The following CLYBL variants were observed in gnomAD, a reference collection of about 807,000 sequenced individuals.
The protein encoded by CLYBL is citramalyl-CoA lyase, mitochondrial.
In CLYBL, 31 loss-of-function variants were observed where a neutral mutation model predicts 38.9. That is an observed-to-expected ratio of 0.80 (90% CI 0.60 to 1.08). The LOEUF (loss-of-function observed/expected upper bound fraction) is 1.08, where lower values mean the gene tolerates loss of function less well. Among genes scored for constraint, CLYBL ranks in the 50% least tolerant of loss-of-function variants. CLYBL has a pLI of 0.00. For synonymous variants in CLYBL, 171 were observed against 158.6 expected (o/e 1.08, Z -0.59); for missense variants, 434 against 411.6 (o/e 1.05, Z -0.47).
chr13:99,854,264 G>T (rs191948495), intron 2 of CLYBL, among the ~76,000 whole-genome samples: 2 of 152,136 alleles, frequency 1.3e-5, no homozygotes, highest in East Asian at 3.9e-4. Flanking sequence ...GCTGGGAGGC[G>T]AAGGGAAAGG....
At chr13:99,736,046 T>C (rs1184003750) in intron 1 of CLYBL, among the ~76,000 whole-genome samples, 4 of 137,924 alleles carry the variant, frequency 2.9e-5, no homozygotes, top group African/African-American at 8.1e-5. Context: ...TTCTTTTTTT[T>C]TTTTTTTTTT....
chr13:99,892,176 T>C (rs1253550871), intron 8 of CLYBL: 1 of 152,212 alleles, frequency 6.6e-6, no homozygotes, highest in Non-Finnish European at 1.5e-5. Context: ...CCATTGAGGC[T>C]ATTTCCCCCT....
intron 1 of CLYBL, among the ~76,000 whole-genome samples, chr13:99,652,272 G>T (rs2047266176): frequency 2.0e-5 from 3 of 152,182 alleles, no homozygotes; most frequent in Non-Finnish European, 4.4e-5. Context: ...TTCCTCAGGG[G>T]GTGAAGTGTG....
intron 1 of CLYBL, among the ~76,000 whole-genome samples, chr13:99,706,343 C>T (rs1211042561): frequency 6.6e-6 from 1 of 152,216 alleles, no homozygotes; most frequent in Non-Finnish European, 1.5e-5. Flanking sequence ...ACAAAAACTG[C>T]ACCAAGCTTC....
chr13:99,769,172 C>T (rs867951565), intron 1 of CLYBL, among the ~76,000 whole-genome samples: 3 of 152,106 alleles, frequency 2.0e-5, no homozygotes, highest in African/African-American at 4.8e-5. Flanking sequence ...GCAGGTTGCT[C>T]CAGGAACATG....
At chr13:99,870,816 G>T in intron 6 of CLYBL, 122 bp from the exon 7 acceptor site, 1 of 986,650 alleles carries the variant, frequency 1.0e-6, no homozygotes, top group Non-Finnish European at 1.5e-6. Context: ...TCAATAAAAA[G>T]TTTTAAATTA....
intron 2 of CLYBL, among the ~76,000 whole-genome samples, chr13:99,841,812 CTTT>C (rs67827288): frequency 8.6e-4 from 91 of 105,372 alleles, no homozygotes; most frequent in East Asian, 6.9e-3. Context: ...TTTTCTTTTC[CTTT>C]TTTTTTTTTT....
intron 7 of CLYBL, among the ~76,000 whole-genome samples, chr13:99,876,539 T>G (rs558063666): frequency 6.6e-6 from 1 of 152,306 alleles, no homozygotes; most frequent in East Asian, 1.9e-4. Flanking sequence ...ATCAAAATAT[T>G]CTTTATCCAG....
intron 1 of CLYBL, among the ~76,000 whole-genome samples, chr13:99,763,309 A>C (rs2049199716): frequency 6.6e-6 from 1 of 152,126 alleles, no homozygotes; most frequent in East Asian, 1.9e-4. Flanking sequence ...TGGGTTTGTC[A>C]TATATGACCC....
intron 1 of CLYBL, among the ~76,000 whole-genome samples, chr13:99,688,134 C>T (rs2047844893): frequency 6.6e-6 from 1 of 152,000 alleles, no homozygotes; most frequent in Admixed American, 6.6e-5. Context: ...AAATTTTTCC[C>T]AGGAAAAATT....
chr13:99,835,608 C>T (rs1373924007), intron 2 of CLYBL, among the ~76,000 whole-genome samples: 1 of 152,250 alleles, frequency 6.6e-6, no homozygotes, highest in East Asian at 1.9e-4. Context: ...GAGCCATCAG[C>T]TGTCTCTGCC....
intron 1 of CLYBL, among the ~76,000 whole-genome samples, chr13:99,635,873 A>C (rs1471005602): frequency 6.7e-6 from 1 of 148,196 alleles, no homozygotes; most frequent in African/African-American, 2.7e-5. Context: ...CAGATGGACT[A>C]AAGATAATAT....
intron 2 of CLYBL, among the ~76,000 whole-genome samples, chr13:99,814,035 C>A (rs2050393599): frequency 6.6e-6 from 1 of 152,186 alleles, no homozygotes; most frequent in South Asian, 2.1e-4. Context: ...TCCTTTCCAG[C>A]CTTACTCTGA....
rs116209023 is a variant in CLYBL at position 99,614,496 on chromosome 13, A to T, written c.62+7739A>T. On this transcript the variant is annotated intron_variant, in intron 1 of 8. Transcript: ENST00000339105. ...CCCTGAGCAAAAACCAGTGGGCAGC[A>T]GCCAAACTGGTGAGCAAGAACTGGC... is the stretch of plus-strand genomic sequence containing the variant. Among the ~76,000 whole-genome samples the T allele has an allele frequency of 1.7e-3, 263 of 152,240 alleles. 1 individual carries two copies. Among genetic ancestry groups the T allele is most frequent in the African/African-American group, 6.1e-3 (254 of 41,548 alleles).
chr13:99,685,353 AAAATT>A (rs1447111360), intron 1 of CLYBL, among the ~76,000 whole-genome samples: 4 of 152,230 alleles, frequency 2.6e-5, no homozygotes, highest in African/African-American at 9.6e-5. Context: ...GAACTAATAA[AAAATT>A]AAAATAATTC....
intron 1 of CLYBL, among the ~76,000 whole-genome samples, chr13:99,632,586 A>G (rs1270225922): frequency 6.6e-6 from 1 of 152,120 alleles, no homozygotes; most frequent in Non-Finnish European, 1.5e-5. Context: ...TACTAAATAT[A>G]CAAAAAAAAT....
intron 2 of CLYBL, among the ~76,000 whole-genome samples, chr13:99,804,328 G>A (rs375269640): frequency 1.9e-4 from 29 of 152,320 alleles, no homozygotes; most frequent in South Asian, 8.3e-4. Flanking sequence ...TGTTGTTTGG[G>A]CTACAGCAGG....
chr13:99,871,374 A>AATATG (rs1356936698), intron 7 of CLYBL, among the ~76,000 whole-genome samples: 1 of 152,220 alleles, frequency 6.6e-6, no homozygotes, highest in African/African-American at 2.4e-5. Flanking sequence ...ATTCATATGA[A>AATATG]AATAATCCTA....
chr13:99,706,188 C>T (rs1246129652), intron 1 of CLYBL, among the ~76,000 whole-genome samples: 1 of 152,056 alleles, frequency 6.6e-6, no homozygotes, highest in Non-Finnish European at 1.5e-5. Flanking sequence ...CTTTGGCCTC[C>T]CAAAGTGCTG....
Sources: allele counts gnomAD v4.1 joint callset (sites outside exome capture counted in the v4.1 genomes callset), GRCh38; gene constraint gnomAD v4.1.1; transcripts MANE v1.5; gene names NCBI Gene and HGNC (gene_info 2026-07-23, HGNC 2026-07-21).